The following LRRC63 variants were observed in gnomAD, a reference collection of about 807,000 sequenced individuals.
The protein encoded by LRRC63 is leucine-rich repeat-containing protein 63.
In LRRC63, 40 loss-of-function variants were observed where a neutral mutation model predicts 49.5. The ratio of observed to expected loss-of-function variants is 0.81; its 90% CI spans 0.63 to 1.05. The LOEUF is 1.05. LRRC63 is among the 50% of genes least tolerant of loss of function. The pLI is 0.00. For synonymous variants in LRRC63, 191 were observed against 221.1 expected, an observed-to-expected ratio of 0.86 and a Z score of 1.21; for missense variants, 636 against 663.1, an observed-to-expected ratio of 0.96 and a Z score of 0.45.
At chr13:46,257,428 G>A (rs1288845193) in intron 7 of LRRC63, among the ~76,000 whole-genome samples, 1 of 152,076 alleles carries the variant, frequency 6.6e-6, no homozygotes, top group Admixed American at 6.6e-5. Flanking sequence ...GTTGCAATTT[G>A]TTAATGGCAG....
chr13:46,270,456 C>T (rs1209784943), intron 9 of LRRC63: 3 of 785,430 alleles, frequency 3.8e-6, no homozygotes, highest in Non-Finnish European at 7.0e-6. Context: ...GAAAAACATT[C>T]TCCATAAGCC....
chr13:46,234,227 C>A, exon 5 of LRRC63: 1 of 1,550,022 alleles, frequency 6.5e-7, no homozygotes, highest in South Asian at 1.2e-5. Context: ...ATCAGAGATA[C>A]ACGTTGTACG....
At chr13:46,275,143 G>C (rs373068678) in intron 9 of LRRC63, among the ~76,000 whole-genome samples, 2 of 152,218 alleles carry the variant, frequency 1.3e-5, no homozygotes, top group East Asian at 3.9e-4. Flanking sequence ...TGCCACAAAT[G>C]ACAAGATTTT....
chr13:46,266,930 T>A (rs1366568176), exon 9 of LRRC63: 5 of 1,547,182 alleles, frequency 3.2e-6, no homozygotes, highest in Non-Finnish European at 4.4e-6. Context: ...CTACATAAAT[T>A]TTATGATAAG....
intron 9 of LRRC63, among the ~76,000 whole-genome samples, chr13:46,272,881 G>T (rs999176238): frequency 6.6e-6 from 1 of 152,186 alleles, no homozygotes; most frequent in Non-Finnish European, 1.5e-5. Flanking sequence ...ATGTGAGAAA[G>T]ATTCCATTTC....
intron 2 of LRRC63, among the ~76,000 whole-genome samples, chr13:46,220,147 C>T (rs1011479942): frequency 2.0e-5 from 3 of 152,178 alleles, no homozygotes; most frequent in Admixed American, 6.5e-5. Context: ...CTGGGAGCTC[C>T]GCTGCTCTCT....
At chr13:46,253,484 T>C (rs1202847587) in intron 7 of LRRC63, among the ~76,000 whole-genome samples, 2 of 151,884 alleles carry the variant, frequency 1.3e-5, no homozygotes, top group Admixed American at 1.3e-4. Flanking sequence ...AACAATATGA[T>C]GTCAGGAGAA....
intron 7 of LRRC63, among the ~76,000 whole-genome samples, chr13:46,258,279 G>A (rs894077486): frequency 7.3e-5 from 11 of 151,238 alleles, no homozygotes; most frequent in South Asian, 2.1e-4. Flanking sequence ...ACAGGCATGC[G>A]CCACCATGCC....
At chr13:46,267,280 A>C (rs1229076624) in intron 9 of LRRC63, among the ~76,000 whole-genome samples, 1 of 152,192 alleles carries the variant, frequency 6.6e-6, no homozygotes. Context: ...GATTCTTCCA[A>C]AAAAATTATT....
chr13:46,214,661 AG>A (rs1334413358), intron 2 of LRRC63, among the ~76,000 whole-genome samples: 1 of 151,376 alleles, frequency 6.6e-6, no homozygotes, highest in African/African-American at 2.4e-5. Flanking sequence ...AAAAAAAAAA[AG>A]CAGGATACAT....
intron 4 of LRRC63, among the ~76,000 whole-genome samples, chr13:46,229,485 G>A (rs111481960): frequency 0.012 from 1,831 of 152,328 alleles, 19 homozygotes; most frequent in Middle Eastern, 0.027. Context: ...GGTGTTTGTG[G>A]TGTGGGAGAA....
intron 9 of LRRC63, among the ~76,000 whole-genome samples, chr13:46,273,960 T>G (rs915368709): frequency 7.0e-6 from 1 of 143,590 alleles, no homozygotes; most frequent in Non-Finnish European, 1.5e-5. Flanking sequence ...AAGAAATAAA[T>G]GGAGTTAGCT....
intron 4 of LRRC63, among the ~76,000 whole-genome samples, chr13:46,229,382 G>T (rs1422764795): frequency 1.3e-5 from 2 of 152,140 alleles, no homozygotes; most frequent in Non-Finnish European, 2.9e-5. Context: ...ACCAATGTGG[G>T]CGTGACTTGA....
At chr13:46,272,301 A>G (rs74350289) in intron 9 of LRRC63, among the ~76,000 whole-genome samples, 2,157 of 152,330 alleles carry the variant, frequency 0.014, 54 homozygotes, top group African/African-American at 0.049. Context: ...TAAATCAATA[A>G]GAAAAGATAT....
chr13:46,222,129 A>G (rs947210726), intron 2 of LRRC63, among the ~76,000 whole-genome samples: 18 of 152,198 alleles, frequency 1.2e-4, no homozygotes, highest in African/African-American at 4.1e-4. Flanking sequence ...ATTTTTAAAT[A>G]TAAGTGTTGG....
chr13:46,233,228 C>T (rs1327495255), intron 4 of LRRC63, among the ~76,000 whole-genome samples: 1 of 152,132 alleles, frequency 6.6e-6, no homozygotes, highest in Non-Finnish European at 1.5e-5. Flanking sequence ...CAACAACCAA[C>T]TCTGTGGGCT....
At chr13:46,270,745 G>T in intron 9 of LRRC63, 3 of 508,448 alleles carry the variant, frequency 5.9e-6, no homozygotes, top group Non-Finnish European at 1.1e-5. Context: ...GAGGAGGCCT[G>T]GTGCTTCACT....
chr13:46,241,663 G>A (rs1149875), intron 5 of LRRC63, among the ~76,000 whole-genome samples: 52,199 of 152,000 alleles, frequency 0.34, 9,484 homozygotes, highest in African/African-American at 0.44. Flanking sequence ...GTGGGCAAAG[G>A]CCATGAAAAG....
intron 7 of LRRC63, among the ~76,000 whole-genome samples, chr13:46,258,963 C>A (rs1187418997): frequency 1.3e-5 from 2 of 151,716 alleles, no homozygotes; most frequent in African/African-American, 2.4e-5. Flanking sequence ...CAATATAGGG[C>A]AAATTAGAAG....
Sources: gnomAD v4.1 joint callset for allele counts (sites outside exome capture counted in the v4.1 genomes callset) on GRCh38, gnomAD v4.1.1 for gene constraint, MANE v1.5 for transcripts, NCBI Gene and HGNC (gene_info 2026-07-23, HGNC 2026-07-21) for gene names.